Variants in TEAD1 observed in about 807,000 individuals in gnomAD.
TEAD1 encodes TEA domain transcription factor 1.
TEAD1 carries 9 observed loss-of-function variants against 54.9 expected under a neutral mutation model. The observed-to-expected ratio is 0.16, with a 90% CI of 0.10 to 0.29. The LOEUF (loss-of-function observed/expected upper bound fraction) is 0.29, where lower values mean the gene tolerates loss of function less well. Among genes scored for constraint, TEAD1 ranks in the 10% least tolerant of loss-of-function variants. TEAD1 has a pLI of 1.00. For missense variants in TEAD1, 387 were observed against 535.9 expected (o/e 0.72, Z 2.74); for synonymous variants, 200 against 187.8 (o/e 1.07, Z -0.53).
intron 10 of TEAD1, among the ~76,000 whole-genome samples, chr11:12,906,059 G>A (rs1015384157): frequency 2.0e-5 from 3 of 152,084 alleles, no homozygotes; most frequent in African/African-American, 7.2e-5. Flanking sequence ...AGGCCCCAGA[G>A]CATAAATGAA....
At chr11:12,879,585 T>C in intron 5 of TEAD1, 123 bp from the exon 6 acceptor site, 1 of 1,176,142 alleles carries the variant, frequency 8.5e-7, no homozygotes, top group Admixed American at 1.8e-5. Context: ...CCATGCATGT[T>C]TGCTTTTTTT....
At chr11:12,832,336 C>T (rs544337206) in intron 3 of TEAD1, among the ~76,000 whole-genome samples, 6 of 152,250 alleles carry the variant, frequency 3.9e-5, no homozygotes, top group South Asian at 2.1e-4. Flanking sequence ...GTTATAAATA[C>T]GGCATAGAAG....
intron 9 of TEAD1, among the ~76,000 whole-genome samples, chr11:12,901,551 G>A (rs917425846): frequency 1.3e-4 from 20 of 152,186 alleles, no homozygotes; most frequent in Admixed American, 5.2e-4. Flanking sequence ...TCTGGGTTAT[G>A]ACATGAGCTA....
At chr11:12,836,686 A>T (rs1440321205) in intron 3 of TEAD1, among the ~76,000 whole-genome samples, 1 of 152,114 alleles carries the variant, frequency 6.6e-6, no homozygotes, top group African/African-American at 2.4e-5. Context: ...TCCAGAATGT[A>T]TTTATTTTTG....
chr11:12,897,621 GA>G (rs1433691185), intron 9 of TEAD1, among the ~76,000 whole-genome samples: 1 of 152,196 alleles, frequency 6.6e-6, no homozygotes, highest in Non-Finnish European at 1.5e-5. Flanking sequence ...GCCTTGTAGA[GA>G]CAGTGCCCAG....
chr11:12,777,105 A>T (rs1945440836), intron 3 of TEAD1, among the ~76,000 whole-genome samples: 1 of 151,468 alleles, frequency 6.6e-6, no homozygotes, highest in Admixed American at 6.6e-5. Context: ...ATTTTTTTTT[A>T]AAGTTTGTTC....
intron 3 of TEAD1, among the ~76,000 whole-genome samples, chr11:12,835,185 A>G (rs1382971693): frequency 6.6e-6 from 1 of 152,184 alleles, no homozygotes; most frequent in Admixed American, 6.5e-5. Flanking sequence ...TTTTAGCTAC[A>G]AAGCAGCAGA....
At chr11:12,914,052 C>T (rs1322752186) in intron 10 of TEAD1, among the ~76,000 whole-genome samples, 3 of 152,176 alleles carry the variant, frequency 2.0e-5, no homozygotes, top group Non-Finnish European at 4.4e-5. Context: ...GGAGCTGAGA[C>T]CTGACTCTTT....
chr11:12,697,540 C>T (rs1401676022), intron 2 of TEAD1, among the ~76,000 whole-genome samples: 2 of 152,174 alleles, frequency 1.3e-5, no homozygotes, highest in Admixed American at 1.3e-4. Flanking sequence ...AGCAGATGTA[C>T]ATACATGCAA....
intron 2 of TEAD1, among the ~76,000 whole-genome samples, chr11:12,744,127 G>A (rs931882162): frequency 6.6e-6 from 1 of 152,184 alleles, no homozygotes. Context: ...CCCCAAAGGC[G>A]TTTGGACAGT....
intron 3 of TEAD1, among the ~76,000 whole-genome samples, chr11:12,811,624 A>G (rs549160603): frequency 9.2e-5 from 14 of 152,186 alleles, no homozygotes; most frequent in African/African-American, 2.9e-4. Context: ...AGGGCTGGAG[A>G]GGGGCGTCTG....
chr11:12,883,866 G>A lies in TEAD1; in HGVS notation c.699+741G>A, dbSNP rs1589956636. Among the ~76,000 whole-genome samples the A allele has an allele frequency of 2.0e-5, 3 of 151,960 alleles. 1 individual carries two copies. The highest frequency in any genetic ancestry group is 4.2e-4 in the South Asian group (2 of 4,808). ...GTCTCTACTAAAAATACATGGCCAC[G>A]CACATGTAGTCCCAGCTACTCAGGA... is the stretch of plus-strand genomic sequence containing the variant. On this transcript the variant is annotated intron_variant, in intron 9 of 12. Coordinates refer to ENST00000527636, the MANE Select transcript of TEAD1 (RefSeq NM_021961.6).
intron 5 of TEAD1, among the ~76,000 whole-genome samples, chr11:12,871,376 C>T (rs778335446): frequency 3.9e-5 from 6 of 152,318 alleles, no homozygotes; most frequent in East Asian, 1.9e-4. Flanking sequence ...TTCTCTACTT[C>T]GAATTGTTTC....
chr11:12,931,445 T>C (rs1419737958), intron 12 of TEAD1, among the ~76,000 whole-genome samples: 1 of 152,236 alleles, frequency 6.6e-6, no homozygotes, highest in Non-Finnish European at 1.5e-5. Context: ...CAAATACTCC[T>C]CTGAAAGCCT....
intron 5 of TEAD1, among the ~76,000 whole-genome samples, chr11:12,870,109 A>C (rs1273352577): frequency 6.6e-6 from 1 of 151,956 alleles, no homozygotes; most frequent in African/African-American, 2.4e-5. Context: ...CGAACTCCTG[A>C]CCTCAAGTGA....
intron 2 of TEAD1, among the ~76,000 whole-genome samples, chr11:12,681,027 T>A (rs1380380890): frequency 1.3e-5 from 2 of 152,172 alleles, no homozygotes; most frequent in African/African-American, 4.8e-5. Context: ...GATGCTTCCT[T>A]TGGTGGAATC....
chr11:12,711,324 G>A (rs1379507547), intron 2 of TEAD1, among the ~76,000 whole-genome samples: 1 of 152,172 alleles, frequency 6.6e-6, no homozygotes. Flanking sequence ...AAGAGATTGA[G>A]GTAGTAATGA....
chr11:12,877,348 A>G lies in TEAD1; in HGVS notation c.331-2360A>G, dbSNP rs534435086. Among the ~76,000 whole-genome samples the G allele has an allele frequency of 1.7e-4, 26 of 152,300 alleles. 1 individual carries two copies. The South Asian group carries it at 5.4e-3, about 32-fold the overall frequency. ...GTTTTTCAGTCACAGCCAGAGTAAT[A>G]TATAAGACATAAAAATTAATGTGGC... On this transcript the variant is annotated intron_variant, in intron 5 of 12. Coordinates refer to ENST00000527636, the MANE Select transcript of TEAD1 (RefSeq NM_021961.6).
At chr11:12,812,925 G>A (rs1222900015) in intron 3 of TEAD1, among the ~76,000 whole-genome samples, 1 of 152,194 alleles carries the variant, frequency 6.6e-6, no homozygotes, top group Non-Finnish European at 1.5e-5. Flanking sequence ...TGTTAAGAGG[G>A]GCTAATGTGG....
Sources: gnomAD v4.1 joint callset for allele counts (sites outside exome capture counted in the v4.1 genomes callset) on GRCh38, gnomAD v4.1.1 for gene constraint, MANE v1.5 for transcripts, NCBI Gene and HGNC (gene_info 2026-07-23, HGNC 2026-07-21) for gene names.